Variants in LSMEM1 observed in about 807,000 individuals in gnomAD.
LSMEM1 encodes leucine rich single-pass membrane protein 1.
A neutral mutation model predicts 11.3 loss-of-function variants in LSMEM1; 10 were observed. That is an observed-to-expected ratio of 0.89 (90% CI 0.55 to 1.50). The LOEUF is 1.50. Ranked by LOEUF, LSMEM1 falls within the 40% of genes most tolerant of loss-of-function variation. LSMEM1 has a pLI of 0.00. For missense variants in LSMEM1, 151 were observed against 152.9 expected, an observed-to-expected ratio of 0.99 and a Z score of 0.06; for synonymous variants, 65 against 59.3, an observed-to-expected ratio of 1.10 and a Z score of -0.44.
chr7:112,488,301 G>A (rs142610737), intron 3 of LSMEM1, among the ~76,000 whole-genome samples: 4 of 152,302 alleles, frequency 2.6e-5, no homozygotes, highest in African/African-American at 4.8e-5. Flanking sequence ...GAGCACATGC[G>A]CTAGTATTCT....
intron 3 of LSMEM1, among the ~76,000 whole-genome samples, chr7:112,487,500 G>A (rs1327433140): frequency 1.3e-5 from 2 of 152,206 alleles, no homozygotes; most frequent in African/African-American, 2.4e-5. Flanking sequence ...AGCACTTGAG[G>A]GCTTGTGCAA....
In LSMEM1 at chr7:112,489,791, T is replaced by G; in HGVS notation, c.257-19T>G. ...CACAGTGGAAACCAATGTAACACAG[T>G]CTGTTTTCTGTTTTGAAGTTCAAAC... On this transcript the variant is annotated intron_variant, in intron 3 of 3. Transcript: ENST00000312849. The G allele has an allele frequency of 6.2e-7, 1 of 1,606,304 alleles. No individual in the cohort carries two copies. Among genetic ancestry groups the G allele is most frequent in the Non-Finnish European group, 8.5e-7 (1 of 1,176,876 alleles).
intron 1 of LSMEM1, among the ~76,000 whole-genome samples, 192 bp from the exon 2 acceptor site, chr7:112,484,620 G>A (rs953238850): frequency 1.3e-5 from 2 of 152,176 alleles, no homozygotes; most frequent in African/African-American, 4.8e-5. Flanking sequence ...AAAGCAAAAA[G>A]AACGATTACA....
Position 112,490,032 on chromosome 7 carries a change from T to G in LSMEM1, c.*83T>G, listed in dbSNP as rs1471618002. ...TGTACAGGGTTAGGAACTGAGAAAGTGCACTTCCTCAGGCAACAGATGATC... is the reference window on the plus strand; with the variant it reads ...TGTACAGGGTTAGGAACTGAGAAAGGGCACTTCCTCAGGCAACAGATGATC... On this transcript the variant is annotated 3_prime_UTR_variant, in exon 4 of 4. Coordinates refer to ENST00000312849, the MANE Select transcript of LSMEM1 (RefSeq NM_182597.3). The G allele has an allele frequency of 1.4e-6, 2 of 1,461,074 alleles. No individual in the cohort carries two copies. The highest frequency in any genetic ancestry group is 1.4e-5 in the African/African-American group (1 of 70,560). The allele number at this position is 1,461,074 out of a possible 1,614,324, so 90.5% of individuals were successfully genotyped here. A position where few individuals can be genotyped will look rare whatever the true frequency, so the allele number is the denominator to read the frequency against.
rs562538485 is a variant in LSMEM1, at chr7:112,484,981, C to A, written c.127+38C>A. 3.2e-4 allele frequency: 498 copies of A among 1,557,918 alleles called. 7 individuals carry two copies. In the South Asian group the frequency reaches 5.6e-3, roughly 17 times the overall value. ...GGGAAGGCACAGCAGCCCTTCCTAG[C>A]TTCTAGGCTACCTAAAAATAGCCAC... is the stretch of plus-strand genomic sequence containing the variant. On this transcript the variant is annotated intron_variant, in intron 2 of 3. Coordinates refer to ENST00000312849, the MANE Select transcript of LSMEM1 (RefSeq NM_182597.3).
chr7:112,488,816 C>T (rs745422250), intron 3 of LSMEM1, among the ~76,000 whole-genome samples: 16 of 152,078 alleles, frequency 1.1e-4, no homozygotes, highest in South Asian at 2.1e-4. Flanking sequence ...AGGCTGGTCT[C>T]GAAATCTGGA....
intron 2 of LSMEM1, chr7:112,486,708 A>G (rs889776661): frequency 2.8e-5 from 13 of 461,844 alleles, no homozygotes; most frequent in Middle Eastern, 7.1e-4. Context: ...CCCGGGAGGC[A>G]GAGGTTGCAG....
chr7:112,484,101 C>A (rs2117363348), intron 1 of LSMEM1, among the ~76,000 whole-genome samples: 1 of 152,306 alleles, frequency 6.6e-6, no homozygotes, highest in Admixed American at 6.5e-5. Context: ...TGACCTCAGT[C>A]TAAGGGAAAC....
rs141244847 is a variant in LSMEM1 at position 112,481,282 on chromosome 7, TTTTGTTTG to T, written c.-62_-55del. On this transcript the variant is annotated 5_prime_UTR_variant, in exon 1 of 4. Transcript: ENST00000312849. ...TTGTAGTTGCTTCTGAACAATTAGT[TTTTGTTTG>T]TTTGTTTTGTTTTGTTTTGTTTTTC... 2 of 154,590 alleles carry T rather than the reference TTTTGTTTG, an allele frequency of 1.3e-5. No homozygotes were observed. The highest frequency in any genetic ancestry group is 4.9e-5 in the African/African-American group (2 of 41,204). 9.6% of individuals were successfully genotyped at this position (154,590 alleles called of 1,614,324 possible).
Position 112,489,808 on chromosome 7 carries a change from A to C in LSMEM1, c.257-2A>C. On this transcript the variant is annotated splice_acceptor_variant, in intron 3 of 3. Transcript: ENST00000312849. LOFTEE classifies it high-confidence loss of function. ...TAACACAGTCTGTTTTCTGTTTTGAAGTTCAAACTGGAAACAAGATGGATG... is the reference window on the plus strand; with the variant it reads ...TAACACAGTCTGTTTTCTGTTTTGACGTTCAAACTGGAAACAAGATGGATG... 1.2e-6 allele frequency: 2 copies of C among 1,610,234 alleles called. No homozygotes were observed. Among genetic ancestry groups the C allele is most frequent in the Non-Finnish European group, 1.7e-6 (2 of 1,178,728 alleles).
intron 2 of LSMEM1, 97 bp downstream of exon 2, chr7:112,485,040 A>AG: frequency 7.6e-7 from 1 of 1,310,558 alleles, no homozygotes; most frequent in Non-Finnish European, 1.0e-6. Flanking sequence ...GTGGAGGGGG[A>AG]GGGGGCATTA....
chr7:112,484,356 A>C (rs758709312), intron 1 of LSMEM1, among the ~76,000 whole-genome samples: 31 of 152,356 alleles, frequency 2.0e-4, no homozygotes, highest in Non-Finnish European at 2.8e-4. Flanking sequence ...TTTTGTGGCC[A>C]CTGCTGACTA....
At chr7:112,486,565 A>C in intron 2 of LSMEM1, 2 of 309,288 alleles carry the variant, frequency 6.5e-6, no homozygotes, top group Non-Finnish European at 1.3e-5. Context: ...TCATGAGGTC[A>C]GGAGATTGAG....
chr7:112,485,057 G>C, intron 2 of LSMEM1, 114 bp downstream of exon 2: 1 of 1,240,026 alleles, frequency 8.1e-7, no homozygotes, highest in South Asian at 1.6e-5. Context: ...ATTAGGAAGA[G>C]GTTGGCACTG....
In LSMEM1 at chr7:112,490,845, A is replaced by G. The variant is rs1796222496; in HGVS notation, c.*896A>G. On this transcript the variant is annotated 3_prime_UTR_variant, in exon 4 of 4. Coordinates refer to ENST00000312849, the MANE Select transcript of LSMEM1 (RefSeq NM_182597.3). ...CAGCAATGAAAGTAAGACACACAGC[A>G]TATGACATAAGACACAGTGTGAAAT... is the stretch of plus-strand genomic sequence containing the variant. 6.6e-6 allele frequency: 1 copy of G among 152,238 alleles called. No individual in the cohort carries two copies. The highest frequency in any genetic ancestry group is 1.5e-5 in the Non-Finnish European group (1 of 68,038). 9.4% of individuals were successfully genotyped at this position (152,238 alleles called of 1,614,324 possible).
intron 2 of LSMEM1, chr7:112,486,320 CA>C: frequency 2.3e-6 from 1 of 443,162 alleles, no homozygotes; most frequent in South Asian, 1.6e-5. Context: ...TCCCTCTCCC[CA>C]CACACAAAAA....
At chr7:112,485,349 A>G (rs1232396013) in intron 2 of LSMEM1, among the ~76,000 whole-genome samples, 1 of 151,972 alleles carries the variant, frequency 6.6e-6, no homozygotes, top group Non-Finnish European at 1.5e-5. Flanking sequence ...AATCCAGAGC[A>G]TTTTCTACTT....
intron 3 of LSMEM1, among the ~76,000 whole-genome samples, chr7:112,488,343 G>A (rs1796176792): frequency 6.6e-6 from 1 of 152,224 alleles, no homozygotes; most frequent in East Asian, 1.9e-4. Flanking sequence ...TTAATACTGG[G>A]CATGTCATCC....
intron 1 of LSMEM1, among the ~76,000 whole-genome samples, chr7:112,483,190 T>C (rs1796063715): frequency 6.6e-6 from 1 of 152,092 alleles, no homozygotes; most frequent in African/African-American, 2.4e-5. Context: ...TGCTCTTCAT[T>C]CTGTAGATGA....
Sources: gnomAD v4.1 joint callset for allele counts (sites outside exome capture counted in the v4.1 genomes callset) on GRCh38, gnomAD v4.1.1 for gene constraint, MANE v1.5 for transcripts, NCBI Gene and HGNC (gene_info 2026-07-23, HGNC 2026-07-21) for gene names.